LIMK2: variants seen among roughly 807,000 people sequenced by gnomAD.
LIMK2 encodes LIM domain kinase 2.
A neutral mutation model predicts 75.7 loss-of-function variants in LIMK2; 35 were observed. The observed-to-expected ratio is 0.46, with a 90% CI of 0.35 to 0.61. The LOEUF (loss-of-function observed/expected upper bound fraction) is 0.61. Among genes scored for constraint, LIMK2 ranks in the 20% least tolerant of loss-of-function variants. The pLI, the probability that LIMK2 is intolerant of heterozygous loss-of-function variation, is 0.00. For synonymous variants in LIMK2, 301 were observed against 319.2 expected (o/e 0.94, Z 0.61); for missense variants, 623 against 831.0 (o/e 0.75, Z 3.08).
chr22:31,248,392 C>T lies in LIMK2; in HGVS notation c.117-9899C>T, dbSNP rs1162569452. On this transcript the variant is annotated intron_variant, in intron 2 of 15. Transcript: ENST00000331728. Reference sequence around the variant, plus strand: ...GCAGCGCTTCTTTCTTAGCTAGTCACCGGCCCCTGCTCAAGAATGCCAGTG... The same window carrying T: ...GCAGCGCTTCTTTCTTAGCTAGTCATCGGCCCCTGCTCAAGAATGCCAGTG... The T allele has an allele frequency of 3.7e-6, 5 of 1,354,186 alleles. No homozygotes were observed. In the East Asian group the frequency reaches 2.0e-4, roughly 54 times the overall value. The allele number at this position is 1,354,186 out of a possible 1,614,324, so 83.9% of individuals were successfully genotyped here.
intron 2 of LIMK2, among the ~76,000 whole-genome samples, chr22:31,251,206 T>A (rs1032350023): frequency 6.6e-6 from 1 of 152,250 alleles, no homozygotes; most frequent in African/African-American, 2.4e-5. Context: ...GTCGGACATC[T>A]TTAAAGCATT....
At chr22:31,218,005 C>T (rs2123762648) in intron 1 of LIMK2, among the ~76,000 whole-genome samples, 1 of 152,240 alleles carries the variant, frequency 6.6e-6, no homozygotes, top group East Asian at 1.9e-4. Context: ...TTTTGAAAAC[C>T]TTCCCTTCAG....
At chr22:31,246,895 A>G (rs897054261) in intron 2 of LIMK2, among the ~76,000 whole-genome samples, 12 of 152,120 alleles carry the variant, frequency 7.9e-5, no homozygotes, top group African/African-American at 2.9e-4. Context: ...TTTACTGGCA[A>G]TTTAAACATG....
chr22:31,228,379 A>G (rs1237318096), intron 2 of LIMK2, among the ~76,000 whole-genome samples: 3 of 152,106 alleles, frequency 2.0e-5, no homozygotes, highest in Admixed American at 6.5e-5. Context: ...AGATTGTGCC[A>G]TTACAGTCTA....
intron 11 of LIMK2, 136 bp from the exon 12 acceptor site, chr22:31,270,994 AGGCCCT>A (rs1466697881): frequency 2.9e-6 from 2 of 696,416 alleles, no homozygotes; most frequent in East Asian, 5.3e-5. Flanking sequence ...AGGCCATAGG[AGGCCCT>A]GGCCCTGTTG....
At chr22:31,221,561 T>C (rs1475219743) in intron 1 of LIMK2, among the ~76,000 whole-genome samples, 1 of 152,194 alleles carries the variant, frequency 6.6e-6, no homozygotes, top group Non-Finnish European at 1.5e-5. Context: ...CTTGGCTCAC[T>C]GCAACCTCCG....
At chr22:31,275,528 C>T in intron 15 of LIMK2, 2 of 527,134 alleles carry the variant, frequency 3.8e-6, no homozygotes, top group Non-Finnish European at 6.7e-6. Flanking sequence ...CACAGAAACA[C>T]AGCCATTAAA....
chr22:31,231,577 C>T (rs1243990001), intron 2 of LIMK2, among the ~76,000 whole-genome samples: 1 of 152,138 alleles, frequency 6.6e-6, no homozygotes, highest in East Asian at 1.9e-4. Flanking sequence ...AGACTCCAGC[C>T]TGACCACAGA....
At chr22:31,241,305 G>T (rs2048621951) in intron 2 of LIMK2, among the ~76,000 whole-genome samples, 1 of 152,208 alleles carries the variant, frequency 6.6e-6, no homozygotes, top group South Asian at 2.1e-4. Flanking sequence ...CCAAAGACTT[G>T]GGTCAAACTC....
intron 7 of LIMK2, among the ~76,000 whole-genome samples, chr22:31,263,334 A>G (rs2048859837): frequency 6.6e-6 from 1 of 152,148 alleles, no homozygotes; most frequent in South Asian, 2.1e-4. Context: ...AGAAATACTG[A>G]TACCCTACTG....
chr22:31,263,263 G>C (rs189840255), intron 7 of LIMK2, among the ~76,000 whole-genome samples: 1 of 152,202 alleles, frequency 6.6e-6, no homozygotes, highest in Non-Finnish European at 1.5e-5. Context: ...AAGTTGCCTT[G>C]AGTGGAAGCC....
At chr22:31,243,522 C>G (rs181304515) in intron 2 of LIMK2, among the ~76,000 whole-genome samples, 1 of 152,228 alleles carries the variant, frequency 6.6e-6, no homozygotes, top group African/African-American at 2.4e-5. Context: ...TTGGGGCTGC[C>G]GGTTATGAAG....
At chr22:31,228,049 T>TGA (rs552235525) in intron 2 of LIMK2, among the ~76,000 whole-genome samples, 3,972 of 147,656 alleles carry the variant, frequency 0.027, 52 homozygotes, top group Non-Finnish European at 0.039. Flanking sequence ...TGTGTGTGTG[T>TGA]GAGATAGAGA....
intron 15 of LIMK2, chr22:31,277,323 T>C: frequency 7.0e-7 from 1 of 1,438,224 alleles, no homozygotes; most frequent in Non-Finnish European, 9.1e-7. Context: ...ATTTTTTTAT[T>C]GTTATTAAAC....
intron 1 of LIMK2, among the ~76,000 whole-genome samples, chr22:31,219,820 C>T (rs2048419190): frequency 2.0e-5 from 3 of 152,312 alleles, no homozygotes; most frequent in Admixed American, 6.5e-5. Flanking sequence ...GATCCACCCG[C>T]CTCGGCCTCC....
intron 2 of LIMK2, among the ~76,000 whole-genome samples, chr22:31,240,644 G>A (rs897005698): frequency 3.3e-5 from 5 of 152,002 alleles, no homozygotes; most frequent in African/African-American, 7.2e-5. Context: ...GGATGGTCTC[G>A]ATCTCCTGAC....
intron 2 of LIMK2, among the ~76,000 whole-genome samples, chr22:31,242,331 AT>A (rs2048629825): frequency 6.6e-6 from 1 of 152,272 alleles, no homozygotes; most frequent in African/African-American, 2.4e-5. Context: ...CAAAAGGATC[AT>A]AAGGCTTCCT....
chr22:31,234,931 C>CTTAA (rs1267218113), intron 2 of LIMK2, among the ~76,000 whole-genome samples: 1 of 152,130 alleles, frequency 6.6e-6, no homozygotes, highest in Admixed American at 6.5e-5. Flanking sequence ...TCCTGCTTAT[C>CTTAA]GTTTAGATCT....
At chr22:31,261,401 C>A (rs749913014) in intron 5 of LIMK2, among the ~76,000 whole-genome samples, 6 of 152,154 alleles carry the variant, frequency 3.9e-5, no homozygotes, top group Non-Finnish European at 5.9e-5. Context: ...CAAAAATTAG[C>A]CGGGCATGGT....
Sources: allele counts gnomAD v4.1 joint callset (sites outside exome capture counted in the v4.1 genomes callset), GRCh38; gene constraint gnomAD v4.1.1; transcripts MANE v1.5; gene names NCBI Gene and HGNC (gene_info 2026-07-23, HGNC 2026-07-21).